The following KCNQ3 variants were observed in gnomAD, a reference collection of about 807,000 sequenced individuals.
KCNQ3 encodes the protein potassium voltage-gated channel subfamily KQT member 3.
A neutral mutation model predicts 92.5 loss-of-function variants in KCNQ3; 30 were observed. The ratio of observed to expected loss-of-function variants is 0.32; its 90% CI spans 0.24 to 0.44. The LOEUF (loss-of-function observed/expected upper bound fraction) is 0.44, where lower values mean the gene tolerates loss of function less well. Ranked by LOEUF, KCNQ3 falls within the 20% of genes least tolerant of loss-of-function variation. The pLI, the probability that KCNQ3 is intolerant of heterozygous loss-of-function variation, is 1.00. For missense variants in KCNQ3, 913 were observed against 1,140.3 expected (o/e 0.80, Z 2.87); for synonymous variants, 450 against 468.8 (o/e 0.96, Z 0.52).
At chr8:132,349,757 A>G (rs1386995949) in intron 1 of KCNQ3, among the ~76,000 whole-genome samples, 1 of 152,230 alleles carries the variant, frequency 6.6e-6, no homozygotes, top group East Asian at 1.9e-4. Context: ...ATTCTTCCTG[A>G]AAGCATGTGA....
chr8:132,157,656 A>T (rs983628023), intron 9 of KCNQ3, among the ~76,000 whole-genome samples: 5 of 149,788 alleles, frequency 3.3e-5, no homozygotes, highest in Non-Finnish European at 4.5e-5. Flanking sequence ...ATTTTATTTT[A>T]TTTTTTTATT....
At chr8:132,273,074 CCTT>C (rs1816203416) in intron 1 of KCNQ3, among the ~76,000 whole-genome samples, 1 of 152,120 alleles carries the variant, frequency 6.6e-6, no homozygotes, top group Non-Finnish European at 1.5e-5. Context: ...AGGATGGCGG[CCTT>C]CTTCTCACAA....
At chr8:132,171,322 A>G (rs550962377) in intron 7 of KCNQ3, among the ~76,000 whole-genome samples, 1 of 152,262 alleles carries the variant, frequency 6.6e-6, no homozygotes, top group East Asian at 1.9e-4. Flanking sequence ...ACACAGACCC[A>G]CAGAGACACT....
chr8:132,206,517 C>T (rs1176469796), intron 1 of KCNQ3, among the ~76,000 whole-genome samples: 1 of 152,206 alleles, frequency 6.6e-6, no homozygotes, highest in Non-Finnish European at 1.5e-5. Flanking sequence ...ACCAAGGACA[C>T]AGTCATATAC....
At chr8:132,451,870 G>T (rs1563917065) in intron 1 of KCNQ3, among the ~76,000 whole-genome samples, 1 of 152,218 alleles carries the variant, frequency 6.6e-6, no homozygotes, top group African/African-American at 2.4e-5. Flanking sequence ...ATGTTTGGAT[G>T]TTCGGTCAGC....
rs1442704664 is a variant in KCNQ3 at position 132,126,352 on chromosome 8, T to G, written c.*2910A>C. On this transcript the variant is annotated 3_prime_UTR_variant, in exon 15 of 15. Coordinates refer to ENST00000388996, the MANE Select transcript of KCNQ3 (RefSeq NM_004519.4). ...CACTGTTTCTTCCCATAACTCACAT[T>G]CAATTCCAGACCCTGAATTTCTGCT... The G allele has an allele frequency of 2.6e-5, 4 of 152,140 alleles. No individual in the cohort carries two copies. The highest frequency in any genetic ancestry group is 9.7e-5 in the African/African-American group (4 of 41,432). 9.4% of individuals were successfully genotyped at this position (152,140 alleles called of 1,614,324 possible). A position where few individuals can be genotyped will look rare whatever the true frequency, so the allele number is the denominator to read the frequency against.
chr8:132,329,064 T>C (rs1818151915), intron 1 of KCNQ3, among the ~76,000 whole-genome samples: 1 of 152,156 alleles, frequency 6.6e-6, no homozygotes, highest in African/African-American at 2.4e-5. Flanking sequence ...AGGAGGAGGA[T>C]TGAGCACCAG....
chr8:132,311,280 T>G (rs1293451620), intron 1 of KCNQ3, among the ~76,000 whole-genome samples: 1 of 152,232 alleles, frequency 6.6e-6, no homozygotes, highest in Non-Finnish European at 1.5e-5. Flanking sequence ...GAGAGTTTGT[T>G]GGGTGCTCCA....
rs1454433393 is a variant in KCNQ3 at position 132,166,621 on chromosome 8, G to T, written c.1236-3127C>A. On this transcript the variant is annotated intron_variant, in intron 8 of 14. Coordinates refer to ENST00000388996, the MANE Select transcript of KCNQ3 (RefSeq NM_004519.4). ...TTTTTCTCATAGAAAATTGGGTTTG[G>T]ACTTGAAACTCTTTGAAGTTCTTTG... Among the ~76,000 whole-genome samples, 7 of 152,132 alleles carry T rather than the reference G, an allele frequency of 4.6e-5. No individual in the cohort carries two copies. In the East Asian group the frequency reaches 1.3e-3, roughly 29 times the overall value.
chr8:132,422,222 G>A (rs1182023349), intron 1 of KCNQ3, among the ~76,000 whole-genome samples: 5 of 151,958 alleles, frequency 3.3e-5, no homozygotes, highest in East Asian at 3.9e-4. Flanking sequence ...AGAGACCCAC[G>A]AGCCATCCCT....
At chr8:132,287,744 C>G (rs1816718694) in intron 1 of KCNQ3, among the ~76,000 whole-genome samples, 1 of 152,006 alleles carries the variant, frequency 6.6e-6, no homozygotes, top group South Asian at 2.1e-4. Context: ...TAGAAAAATT[C>G]ATAGAGACAG....
chr8:132,319,439 G>T (rs1817838511), intron 1 of KCNQ3, among the ~76,000 whole-genome samples: 1 of 152,114 alleles, frequency 6.6e-6, no homozygotes, highest in Non-Finnish European at 1.5e-5. Context: ...GCACTGGCAG[G>T]CTCAATACTT....
Position 132,435,714 on chromosome 8 carries a change from TTTAA to T in KCNQ3, c.386+44429_386+44432del, listed in dbSNP as rs1276098386. 3.9e-5 allele frequency among the ~76,000 whole-genome samples: 6 copies of T among 152,112 alleles called. No individual in the cohort carries two copies. The East Asian group carries it at 9.6e-4, about 24-fold the overall frequency. On this transcript the variant is annotated intron_variant, in intron 1 of 14. Transcript: ENST00000388996. ...AAATTAAAATTTATATTTATATTTA[TTTAA>T]TTATTTTATTTTATTAAGATGAGGT... is the stretch of plus-strand genomic sequence containing the variant.
chr8:132,382,051 C>G (rs1819765688), intron 1 of KCNQ3, among the ~76,000 whole-genome samples: 1 of 152,264 alleles, frequency 6.6e-6, no homozygotes, highest in African/African-American at 2.4e-5. Context: ...AAATGGCAAG[C>G]AATGCAGGAC....
chr8:132,234,635 C>A (rs1255385176), intron 1 of KCNQ3, among the ~76,000 whole-genome samples: 1 of 152,152 alleles, frequency 6.6e-6, no homozygotes, highest in Non-Finnish European at 1.5e-5. Context: ...ATTTTCACAA[C>A]AAACACACGA....
intron 1 of KCNQ3, among the ~76,000 whole-genome samples, chr8:132,383,642 C>T (rs1454102956): frequency 6.6e-6 from 1 of 152,336 alleles, no homozygotes. Flanking sequence ...TGTGCTTGTT[C>T]ATCTCTACAG....
At chr8:132,130,539 T>C (rs1824848625) in intron 14 of KCNQ3, among the ~76,000 whole-genome samples, 1 of 152,188 alleles carries the variant, frequency 6.6e-6, no homozygotes, top group Non-Finnish European at 1.5e-5. Context: ...CAAGGTCTTC[T>C]AGGAAGCAAA....
rs1011262035 is a variant in KCNQ3 at position 132,413,877 on chromosome 8, T to A, written c.386+66270A>T. ...GAGCACGTGACTGGGGAATCCCATC[T>A]GTTCTCACCCGCACGCCCACCCATG... On this transcript the variant is annotated intron_variant, in intron 1 of 14. Transcript: ENST00000388996. 7.2e-5 allele frequency among the ~76,000 whole-genome samples: 11 copies of A among 152,354 alleles called. No individual in the cohort carries two copies. In the East Asian group the frequency reaches 9.6e-4, roughly 13 times the overall value.
At chr8:132,415,289 G>A (rs1660580241) in intron 1 of KCNQ3, among the ~76,000 whole-genome samples, 1 of 152,118 alleles carries the variant, frequency 6.6e-6, no homozygotes, top group Non-Finnish European at 1.5e-5. Context: ...TAAGGATTCA[G>A]GAACCTCTAC....
Sources: gnomAD v4.1 joint callset for allele counts (sites outside exome capture counted in the v4.1 genomes callset) on GRCh38, gnomAD v4.1.1 for gene constraint, MANE v1.5 for transcripts, NCBI Gene and HGNC (gene_info 2026-07-23, HGNC 2026-07-21) for gene names.